ABCA5: variants seen among roughly 807,000 people sequenced by gnomAD.
ABCA5 encodes the protein cholesterol transporter ABCA5.
A neutral mutation model predicts 206.0 loss-of-function variants in ABCA5; 163 were observed. The observed-to-expected ratio is 0.79, with a 90% CI of 0.70 to 0.90. ABCA5 has a LOEUF of 0.90. ABCA5 is among the 40% of genes least tolerant of loss of function. ABCA5 has a pLI of 0.00. For synonymous variants in ABCA5, 609 were observed against 613.8 expected (o/e 0.99, Z 0.11); for missense variants, 1,859 against 1,912.9 (o/e 0.97, Z 0.53).
At chr17:69,282,011 A>G (rs2075399228) in intron 18 of ABCA5, among the ~76,000 whole-genome samples, 1 of 152,162 alleles carries the variant, frequency 6.6e-6, no homozygotes, top group Non-Finnish European at 1.5e-5. Flanking sequence ...CGATCATAAG[A>G]AAGTTTCCTC....
At chr17:69,268,085 G>A in intron 22 of ABCA5, 29 bp from the exon 23 acceptor site, 1 of 1,022,758 alleles carries the variant, frequency 9.8e-7, no homozygotes, top group Non-Finnish European at 1.5e-6. Flanking sequence ...GTAACAAATG[G>A]AACTGAGAAT....
rs539607082 is a variant in ABCA5, at chr17:69,296,879, T to C, written c.1436+312A>G. ...ACTTGAGAGGTTGAGGCACAAGAAT[T>C]GTTTGAATCTGGGAGGTGGAGGTTA... is the stretch of plus-strand genomic sequence containing the variant. On this transcript the variant is annotated intron_variant, in intron 10 of 38. Coordinates refer to ENST00000392676, the MANE Select transcript of ABCA5 (RefSeq NM_172232.4). Among the ~76,000 whole-genome samples, 5 of 152,248 alleles carry C rather than the reference T, an allele frequency of 3.3e-5. No homozygotes were observed. In the South Asian group the frequency reaches 8.3e-4, roughly 25 times the overall value.
At chr17:69,248,234 A>T in intron 38 of ABCA5, 28 bp downstream of exon 38, 1 of 1,334,508 alleles carries the variant, frequency 7.5e-7, no homozygotes, top group Non-Finnish European at 1.0e-6. Flanking sequence ...TCTATAAAAT[A>T]ATTTTTAAAA....
intron 28 of ABCA5, among the ~76,000 whole-genome samples, chr17:69,258,975 G>A (rs888650926): frequency 1.3e-5 from 2 of 152,020 alleles, no homozygotes; most frequent in African/African-American, 4.8e-5. Flanking sequence ...CAAGGATGTG[G>A]AGAAAATAGA....
chr17:69,279,477 A>C (rs947018686), intron 18 of ABCA5, among the ~76,000 whole-genome samples: 15 of 151,922 alleles, frequency 9.9e-5, no homozygotes, highest in Non-Finnish European at 1.8e-4. Flanking sequence ...TTACAGATTC[A>C]ATGCCATCCC....
intron 3 of ABCA5, among the ~76,000 whole-genome samples, chr17:69,312,385 A>G (rs549964573): frequency 1.3e-5 from 2 of 152,206 alleles, no homozygotes; most frequent in African/African-American, 4.8e-5. Context: ...CAACATAGCA[A>G]GATCCCATCT....
chr17:69,302,668 T>C lies in ABCA5; in HGVS notation c.1119+50A>G, dbSNP rs777439597. Reference sequence around the variant, plus strand: ...ATTCATGGTAGTATAAGAAGCTACATAAAACAGAAAGAAAATATTTAGTGA... The same window carrying C: ...ATTCATGGTAGTATAAGAAGCTACACAAAACAGAAAGAAAATATTTAGTGA... On this transcript the variant is annotated intron_variant, in intron 8 of 38. Coordinates refer to ENST00000392676, the MANE Select transcript of ABCA5 (RefSeq NM_172232.4). The C allele has an allele frequency of 1.7e-5, 22 of 1,321,302 alleles. No individual in the cohort carries two copies. The South Asian group carries it at 4.1e-4, about 24-fold the overall frequency. The allele number at this position is 1,321,302 out of a possible 1,614,324, so 81.8% of individuals were successfully genotyped here.
chr17:69,291,026 C>T (rs970053833), intron 12 of ABCA5, among the ~76,000 whole-genome samples, 190 bp downstream of exon 12: 9 of 152,016 alleles, frequency 5.9e-5, no homozygotes, highest in African/African-American at 1.7e-4. Flanking sequence ...AAAATTAGAT[C>T]CTTTTTACTT....
At position 69,303,784 on chromosome 17, in the gene ABCA5, A is replaced by T. The variant is rs2075677604; in HGVS notation, c.931-878T>A. Reference sequence around the variant, plus strand: ...TAAAAAAAAAAAAAAAAAAAAAAAAAAATATATATATATATATATATATAC... The same window carrying T: ...TAAAAAAAAAAAAAAAAAAAAAAAATAATATATATATATATATATATATAC... On this transcript the variant is annotated intron_variant, in intron 7 of 38. Transcript: ENST00000392676. 2.4e-4 allele frequency among the ~76,000 whole-genome samples: 2 copies of T among 8,506 alleles called. 1 individual carries two copies. Among genetic ancestry groups the T allele is most frequent in the East Asian group, 0.011 (2 of 180 alleles). The allele number at this position is 8,506 out of a possible 152,430, so 5.6% of individuals were successfully genotyped here. A position where few individuals can be genotyped will look rare whatever the true frequency, so the allele number is the denominator to read the frequency against.
At chr17:69,325,634 C>T (rs2075892496) in intron 1 of ABCA5, 2 of 152,100 alleles carry the variant, frequency 1.3e-5, no homozygotes, top group Non-Finnish European at 2.9e-5. Context: ...ATGTAAAAGA[C>T]ATGCAACAAA....
intron 18 of ABCA5, among the ~76,000 whole-genome samples, chr17:69,279,384 G>A (rs1471906517): frequency 6.6e-6 from 1 of 152,072 alleles, no homozygotes; most frequent in Non-Finnish European, 1.5e-5. Context: ...AATAAAAGAG[G>A]ATACAAACAA....
At chr17:69,284,425 TTATATC>T (rs1381272190) in intron 17 of ABCA5, among the ~76,000 whole-genome samples, 1 of 152,060 alleles carries the variant, frequency 6.6e-6, no homozygotes, top group African/African-American at 2.4e-5. Context: ...TATTACCATA[TTATATC>T]TATATCATAT....
chr17:69,313,132 G>T lies in ABCA5; in HGVS notation c.267C>A (p.Ser89Arg). The change falls in exon 3 of 39, where the codon AGC becomes AGA. Residue 89 changes from serine (S) to arginine (R), a missense_variant. Physicochemically the swap from Ser to Arg is moderately radical, Grantham distance 110. Coordinates refer to ENST00000392676, the MANE Select transcript of ABCA5 (RefSeq NM_172232.4). Reference sequence around the variant, plus strand: ...CAGTAGACACTTTCTGCATGATGCTGCTTGTAATATTAGTCACTGGAGTAT... The same window carrying T: ...CAGTAGACACTTTCTGCATGATGCTTCTTGTAATATTAGTCACTGGAGTAT... ...LGYTPVTNIT[S>R]SIMQKVSTDH... 6.2e-7 allele frequency: 1 copy of T among 1,611,680 alleles called. No individual in the cohort carries two copies. Among genetic ancestry groups the T allele is most frequent in the Non-Finnish European group, 8.5e-7 (1 of 1,178,644 alleles).
intron 15 of ABCA5, among the ~76,000 whole-genome samples, chr17:69,287,311 T>C (rs1357456990): frequency 6.6e-6 from 1 of 152,180 alleles, no homozygotes; most frequent in Non-Finnish European, 1.5e-5. Flanking sequence ...AGACTTTGCC[T>C]CATATACCTT....
chr17:69,260,250 C>A, intron 27 of ABCA5, 88 bp downstream of exon 27: 3 of 975,028 alleles, frequency 3.1e-6, no homozygotes, highest in South Asian at 1.8e-5. Context: ...TTTCATGCAA[C>A]AGGATAAAAA....
chr17:69,270,837 C>T, intron 21 of ABCA5, 87 bp from the exon 22 acceptor site: 1 of 1,246,636 alleles, frequency 8.0e-7, no homozygotes, highest in Non-Finnish European at 1.1e-6. Flanking sequence ...ACCAACAAAG[C>T]TAATTCTCAT....
chr17:69,261,861 T>A (rs971765303), intron 24 of ABCA5, 113 bp from the exon 25 acceptor site: 2 of 447,328 alleles, frequency 4.5e-6, no homozygotes, highest in Non-Finnish European at 7.9e-6. Flanking sequence ...AAATAAATCA[T>A]TTAAACTGAA....
intron 4 of ABCA5, 89 bp downstream of exon 4, chr17:69,309,173 T>C (rs899363107): frequency 4.8e-6 from 5 of 1,048,070 alleles, no homozygotes; most frequent in African/African-American, 3.3e-5. Flanking sequence ...AAAATGCCAA[T>C]ATTGAACTAT....
At chr17:69,258,067 TGAAAA>T (rs1377242130) in intron 28 of ABCA5, among the ~76,000 whole-genome samples, 1 of 152,058 alleles carries the variant, frequency 6.6e-6, no homozygotes, top group Non-Finnish European at 1.5e-5. Flanking sequence ...GAATAACTAT[TGAAAA>T]GAAAGAGATA....
Sources: allele counts gnomAD v4.1 joint callset (sites outside exome capture counted in the v4.1 genomes callset), GRCh38; gene constraint gnomAD v4.1.1; transcripts MANE v1.5; gene names NCBI Gene and HGNC (gene_info 2026-07-23, HGNC 2026-07-21).